Variants in NAALADL2 observed in about 807,000 individuals in gnomAD.
NAALADL2 encodes the protein inactive N-acetylated-alpha-linked acidic dipeptidase-like protein 2.
A neutral mutation model predicts 87.2 loss-of-function variants in NAALADL2; 76 were observed. The observed-to-expected ratio is 0.87, with a 90% CI of 0.72 to 1.05. NAALADL2 has a LOEUF of 1.05. Ranked by LOEUF, NAALADL2 falls within the 50% of genes least tolerant of loss-of-function variation. The pLI, the probability that NAALADL2 is intolerant of heterozygous loss-of-function variation, is 0.00. For missense variants in NAALADL2, 1,089 were observed against 945.8 expected (o/e 1.15, Z -1.99); for synonymous variants, 354 against 331.0 (o/e 1.07, Z -0.75).
chr3:174,458,597 G>A (rs1433237499), intron 1 of NAALADL2: 1 of 152,260 alleles, frequency 6.6e-6, no homozygotes, highest in African/African-American at 2.4e-5. Flanking sequence ...AAGCTCCAAG[G>A]TAGGTCAAGG....
At chr3:175,607,948 A>C (rs2149663441) in intron 10 of NAALADL2, among the ~76,000 whole-genome samples, 1 of 151,546 alleles carries the variant, frequency 6.6e-6, no homozygotes, top group East Asian at 2.0e-4. Flanking sequence ...ATTCAATCTG[A>C]AATTTGAGAA....
chr3:174,488,737 T>C (rs965382726), intron 1 of NAALADL2, among the ~76,000 whole-genome samples: 4 of 152,130 alleles, frequency 2.6e-5, no homozygotes, highest in Admixed American at 6.6e-5. Context: ...TTTCACAACC[T>C]CTATTGGATC....
At chr3:175,372,034 C>T (rs2148953142) in intron 5 of NAALADL2, among the ~76,000 whole-genome samples, 1 of 152,206 alleles carries the variant, frequency 6.6e-6, no homozygotes, top group African/African-American at 2.4e-5. Flanking sequence ...AATATAATTA[C>T]TCTAAAAAAA....
intron 2 of NAALADL2, among the ~76,000 whole-genome samples, chr3:175,119,999 T>C (rs1293649561): frequency 6.6e-6 from 1 of 150,878 alleles, no homozygotes; most frequent in Non-Finnish European, 1.5e-5. Flanking sequence ...CTAATTATTG[T>C]TTGCACTGCT....
At chr3:175,663,716 GA>G (rs1029335819) in intron 11 of NAALADL2, among the ~76,000 whole-genome samples, 5 of 151,864 alleles carry the variant, frequency 3.3e-5, no homozygotes, top group Non-Finnish European at 5.9e-5. Flanking sequence ...GCATAATTAA[GA>G]TGAGGTCTAA....
intron 10 of NAALADL2, among the ~76,000 whole-genome samples, chr3:175,607,547 T>A (rs1723939316): frequency 6.6e-6 from 1 of 152,068 alleles, no homozygotes. Context: ...ATAAAGGTGG[T>A]GTGGAGGGGT....
chr3:175,218,300 C>T (rs1742853063), intron 2 of NAALADL2, among the ~76,000 whole-genome samples: 1 of 152,100 alleles, frequency 6.6e-6, no homozygotes, highest in Non-Finnish European at 1.5e-5. Context: ...ATCAGAGTGT[C>T]TAAAATGCTT....
At chr3:174,835,625 A>C (rs1238905768) in intron 3 of NAALADL2, among the ~76,000 whole-genome samples, 1 of 152,184 alleles carries the variant, frequency 6.6e-6, no homozygotes, top group African/African-American at 2.4e-5. Flanking sequence ...TAATATCTAG[A>C]ATATATAAAC....
In NAALADL2 at chr3:174,826,989, C is replaced by A. The variant is rs755549475; in HGVS notation, c.-9+89243C>A. ...ATAAAAGCACTCTTATTATAACTAGCAGATTGAATAAGAATCATTCATGAT... is the reference window on the plus strand; with the variant it reads ...ATAAAAGCACTCTTATTATAACTAGAAGATTGAATAAGAATCATTCATGAT... On this transcript the variant is annotated intron_variant, in intron 3 of 3. Coordinates refer to the NAALADL2 transcript ENST00000434257. 1.3e-5 allele frequency among the ~76,000 whole-genome samples: 2 copies of A among 152,138 alleles called. 1 individual carries two copies. Among genetic ancestry groups the A allele is most frequent in the Non-Finnish European group, 2.9e-5 (2 of 68,028 alleles).
At chr3:175,223,056 C>A (rs925135505) in intron 2 of NAALADL2, among the ~76,000 whole-genome samples, 7 of 150,346 alleles carry the variant, frequency 4.7e-5, no homozygotes, top group African/African-American at 1.7e-4. Flanking sequence ...TTACCACAAT[C>A]AAATTAATTA....
chr3:174,735,958 A>G (rs767377234), intron 2 of NAALADL2, among the ~76,000 whole-genome samples: 8 of 152,106 alleles, frequency 5.3e-5, no homozygotes, highest in Non-Finnish European at 1.0e-4. Context: ...GTGAGTGAGC[A>G]AGCATGGGGT....
At chr3:175,611,405 T>C (rs1582621207) in intron 10 of NAALADL2, among the ~76,000 whole-genome samples, 2 of 152,216 alleles carry the variant, frequency 1.3e-5, no homozygotes, top group South Asian at 2.1e-4. Flanking sequence ...CTATTTTTTT[T>C]CCAACTTGAA....
At chr3:175,349,796 C>T (rs1445853672) in intron 5 of NAALADL2, among the ~76,000 whole-genome samples, 1 of 152,038 alleles carries the variant, frequency 6.6e-6, no homozygotes, top group Admixed American at 6.6e-5. Flanking sequence ...TGTCAAGAAC[C>T]TGATGAGTGC....
chr3:175,510,172 G>C (rs1252783667), intron 9 of NAALADL2, among the ~76,000 whole-genome samples: 1 of 152,200 alleles, frequency 6.6e-6, no homozygotes, highest in East Asian at 1.9e-4. Flanking sequence ...TGCGAGCCGA[G>C]TGAAAGGGGA....
intron 1 of NAALADL2, among the ~76,000 whole-genome samples, chr3:175,072,906 C>CT (rs1381075735): frequency 6.6e-6 from 1 of 151,766 alleles, no homozygotes; most frequent in Non-Finnish European, 1.5e-5. Context: ...AGTCACTCTG[C>CT]TTTTTTATAA....
In NAALADL2 at chr3:175,791,806, T is replaced by C. The variant is rs1242472628; in HGVS notation, c.2190-11199T>C. Among the ~76,000 whole-genome samples, 3 of 151,542 alleles carry C rather than the reference T, an allele frequency of 2.0e-5. No homozygotes were observed. In the East Asian group the frequency reaches 5.8e-4, roughly 29 times the overall value. ...TCAATAAATTTATTTTTTTCTTAAA[T>C]TGTACATGCAGCACACCTATTTTGT... On this transcript the variant is annotated intron_variant, in intron 13 of 13. Coordinates refer to ENST00000454872, the MANE Select transcript of NAALADL2 (RefSeq NM_207015.3).
At chr3:175,540,092 C>T (rs1053686394) in intron 9 of NAALADL2, among the ~76,000 whole-genome samples, 5 of 152,098 alleles carry the variant, frequency 3.3e-5, no homozygotes, top group Non-Finnish European at 5.9e-5. Flanking sequence ...ATTTTTGACA[C>T]AGAAATAGGG....
chr3:175,466,531 G>C (rs1046859280), intron 7 of NAALADL2, among the ~76,000 whole-genome samples: 7 of 152,080 alleles, frequency 4.6e-5, no homozygotes, highest in Admixed American at 3.9e-4. Flanking sequence ...TTAATTCCCT[G>C]TGGAATTAAT....
intron 3 of NAALADL2, among the ~76,000 whole-genome samples, chr3:174,760,024 G>A (rs970740633): frequency 4.6e-5 from 7 of 152,148 alleles, no homozygotes; most frequent in Non-Finnish European, 2.9e-5. Context: ...TTTGGCTAAT[G>A]TTTCACAGTA....
Sources: allele counts gnomAD v4.1 joint callset (sites outside exome capture counted in the v4.1 genomes callset), GRCh38; gene constraint gnomAD v4.1.1; transcripts MANE v1.5; gene names NCBI Gene and HGNC (gene_info 2026-07-23, HGNC 2026-07-21).